SORCS1: variants seen among roughly 807,000 people sequenced by gnomAD.
SORCS1 encodes sortilin related VPS10 domain containing receptor 1.
SORCS1 carries 60 observed loss-of-function variants against 146.1 expected under a neutral mutation model. That is an observed-to-expected ratio of 0.41 (90% CI 0.33 to 0.51). The LOEUF (loss-of-function observed/expected upper bound fraction) is 0.51. SORCS1 is among the 20% of genes least tolerant of loss of function. The probability of loss-of-function intolerance (pLI) is 0.21; values close to 1 mark genes in which losing one functional copy is unlikely to be tolerated. For synonymous variants in SORCS1, 637 were observed against 584.0 expected (o/e 1.09, Z -1.31); for missense variants, 1,352 against 1,487.6 (o/e 0.91, Z 1.50).
chr10:106,896,859 T>A (rs1035654713), intron 2 of SORCS1, among the ~76,000 whole-genome samples: 3 of 150,904 alleles, frequency 2.0e-5, no homozygotes, highest in Non-Finnish European at 4.4e-5. Flanking sequence ...CATTACTCAC[T>A]CCATTTCCAT....
intron 5 of SORCS1, among the ~76,000 whole-genome samples, chr10:106,732,809 C>T (rs867294781): frequency 1.3e-5 from 2 of 152,174 alleles, no homozygotes; most frequent in African/African-American, 4.8e-5. Flanking sequence ...ACATCTCCCA[C>T]TGCCTTATCA....
Position 106,611,782 on chromosome 10 carries a change from C to T in SORCS1, c.3033+129G>A, listed in dbSNP as rs189954954. On this transcript the variant is annotated intron_variant, in intron 22 of 25. Coordinates refer to ENST00000263054, the MANE Select transcript of SORCS1 (RefSeq NM_052918.5). ...CTTTGCAGACATCAGGCCAGAACTT[C>T]CCATGGGCTCTAGCTTCTTCCTGCT... 1.1e-4 allele frequency: 76 copies of T among 713,842 alleles called. 1 individual carries two copies. In the East Asian group the frequency reaches 2.0e-3, roughly 18 times the overall value. The allele number at this position is 713,842 out of a possible 1,614,324, so 44.2% of individuals were successfully genotyped here. A position where few individuals can be genotyped will look rare whatever the true frequency, so the allele number is the denominator to read the frequency against.
At chr10:107,100,205 T>C (rs921148494) in intron 1 of SORCS1, among the ~76,000 whole-genome samples, 1 of 152,166 alleles carries the variant, frequency 6.6e-6, no homozygotes, top group Non-Finnish European at 1.5e-5. Flanking sequence ...GCACATTTTG[T>C]AAATCGTAAT....
chr10:106,972,308 G>C (rs1015532354), intron 1 of SORCS1, among the ~76,000 whole-genome samples: 2 of 150,734 alleles, frequency 1.3e-5, no homozygotes, highest in Non-Finnish European at 2.9e-5. Flanking sequence ...TTGAACCTAG[G>C]AGGCAGAGGT....
At chr10:106,828,179 T>C (rs1188315858) in intron 3 of SORCS1, among the ~76,000 whole-genome samples, 1 of 152,206 alleles carries the variant, frequency 6.6e-6, no homozygotes, top group African/African-American at 2.4e-5. Context: ...CATGCTTATA[T>C]ACTTGGTAAT....
chr10:106,998,334 G>C (rs575026876), intron 1 of SORCS1, among the ~76,000 whole-genome samples: 1 of 152,240 alleles, frequency 6.6e-6, no homozygotes, highest in East Asian at 1.9e-4. Context: ...GAACTACTAG[G>C]GTCATTCACG....
intron 2 of SORCS1, among the ~76,000 whole-genome samples, chr10:106,945,460 T>C (rs938111023): frequency 9.2e-5 from 14 of 152,308 alleles, no homozygotes; most frequent in African/African-American, 3.1e-4. Context: ...AGTAAATACA[T>C]AGGAAAGCCT....
chr10:106,968,529 C>T (rs1955618848), intron 1 of SORCS1, among the ~76,000 whole-genome samples: 1 of 152,230 alleles, frequency 6.6e-6, no homozygotes, highest in South Asian at 2.1e-4. Context: ...AGAAATGAAG[C>T]AAGTCTTTCC....
intron 17 of SORCS1, among the ~76,000 whole-genome samples, chr10:106,653,368 C>T (rs1260075274): frequency 6.6e-6 from 1 of 152,146 alleles, no homozygotes; most frequent in Admixed American, 6.5e-5. Context: ...TATTTGATTT[C>T]CCAAGTTTAT....
intron 2 of SORCS1, among the ~76,000 whole-genome samples, chr10:106,919,021 A>G (rs1290639546): frequency 2.0e-5 from 3 of 152,076 alleles, no homozygotes; most frequent in African/African-American, 7.2e-5. Context: ...ATTTTTCTGT[A>G]GAGATGGAGT....
chr10:106,992,678 G>A (rs1476867213), intron 1 of SORCS1, among the ~76,000 whole-genome samples: 3 of 151,630 alleles, frequency 2.0e-5, no homozygotes, highest in African/African-American at 7.3e-5. Flanking sequence ...AAAAAAAGTT[G>A]TAGAGATGGG....
At chr10:106,924,779 T>TA (rs1952926223) in intron 2 of SORCS1, among the ~76,000 whole-genome samples, 1 of 151,518 alleles carries the variant, frequency 6.6e-6, no homozygotes, top group Admixed American at 6.6e-5. Context: ...TTTTTTTTTT[T>TA]ATGTTAAGGC....
chr10:107,083,217 T>A (rs1963478180), intron 1 of SORCS1, among the ~76,000 whole-genome samples: 1 of 152,154 alleles, frequency 6.6e-6, no homozygotes. Context: ...GGAGGTTTTC[T>A]CTTCTGGCTC....
intron 1 of SORCS1, among the ~76,000 whole-genome samples, chr10:107,036,296 T>G (rs1330948227): frequency 6.6e-6 from 1 of 152,238 alleles, no homozygotes; most frequent in Non-Finnish European, 1.5e-5. Context: ...GATAATTTAA[T>G]GTAATGTGTA....
At chr10:106,690,833 G>A (rs1207962922) in intron 9 of SORCS1, among the ~76,000 whole-genome samples, 1 of 152,112 alleles carries the variant, frequency 6.6e-6, no homozygotes, top group Non-Finnish European at 1.5e-5. Context: ...GCTATTCACT[G>A]TTCCTTTCAC....
chr10:107,174,288 C>G, the SORCS1 span, among the ~76,000 whole-genome samples: 1 of 152,178 alleles, frequency 6.6e-6, no homozygotes, highest in African/African-American at 2.4e-5. Context: ...TCACTGCAAG[C>G]TTCGCCTCCC....
intron 1 of SORCS1, among the ~76,000 whole-genome samples, chr10:107,002,762 C>G (rs1438825846): frequency 1.3e-5 from 2 of 151,976 alleles, no homozygotes; most frequent in Non-Finnish European, 2.9e-5. Context: ...CATAATGGAA[C>G]AAGTCTGATT....
rs995312817 is a variant in SORCS1 at position 106,688,057 on chromosome 10, T to C, written c.1560+135A>G. 1.8e-5 allele frequency: 22 copies of C among 1,215,218 alleles called. No homozygotes were observed. In the African/African-American group the frequency reaches 3.1e-4, roughly 17 times the overall value. 75.3% of individuals were successfully genotyped at this position (1,215,218 alleles called of 1,614,324 possible). A position where few individuals can be genotyped will look rare whatever the true frequency, so the allele number is the denominator to read the frequency against. On this transcript the variant is annotated intron_variant, in intron 10 of 25. Coordinates refer to ENST00000263054, the MANE Select transcript of SORCS1 (RefSeq NM_052918.5). Reference sequence around the variant, plus strand: ...CAGTGCTGTGAGTTTTCTACACCCTTTGCCTTCACGCCCTTCCCCACTCCC... The same window carrying C: ...CAGTGCTGTGAGTTTTCTACACCCTCTGCCTTCACGCCCTTCCCCACTCCC...
chr10:106,897,820 G>A (rs1951545321), intron 2 of SORCS1, among the ~76,000 whole-genome samples: 1 of 152,186 alleles, frequency 6.6e-6, no homozygotes, highest in Non-Finnish European at 1.5e-5. Flanking sequence ...AATGGTACAC[G>A]TGAGCTCAGG....
Sources: allele counts gnomAD v4.1 joint callset (sites outside exome capture counted in the v4.1 genomes callset), GRCh38; gene constraint gnomAD v4.1.1; transcripts MANE v1.5; gene names NCBI Gene and HGNC (gene_info 2026-07-23, HGNC 2026-07-21).